The following ABCG2 variants were observed in gnomAD, a reference collection of about 807,000 sequenced individuals.
ABCG2 encodes broad substrate specificity ATP-binding cassette transporter ABCG2.
A neutral mutation model predicts 73.5 loss-of-function variants in ABCG2; 80 were observed. That is an observed-to-expected ratio of 1.09 (90% confidence interval 0.91 to 1.31). The LOEUF is 1.31. Among genes scored for constraint, ABCG2 ranks in the 50% most tolerant of loss-of-function variants. ABCG2 has a pLI of 0.00. For synonymous variants in ABCG2, 269 were observed against 282.4 expected, an observed-to-expected ratio of 0.95 and a Z score of 0.48; for missense variants, 796 against 786.2, an observed-to-expected ratio of 1.01 and a Z score of -0.15.
chr4:88,153,950 T>C (rs1726738993), intron 1 of ABCG2, among the ~76,000 whole-genome samples: 1 of 152,088 alleles, frequency 6.6e-6, no homozygotes. Context: ...GGAAAGGAAA[T>C]GTTCTAAGAG....
intron 1 of ABCG2, among the ~76,000 whole-genome samples, chr4:88,212,143 G>A (rs889573040): frequency 6.6e-6 from 1 of 152,088 alleles, no homozygotes; most frequent in African/African-American, 2.4e-5. Flanking sequence ...ATCATTTGCT[G>A]GACTCTGGCG....
intron 5 of ABCG2, 74 bp from the exon 6 acceptor site, chr4:88,121,866 A>T: frequency 7.0e-7 from 1 of 1,420,852 alleles, no homozygotes. Context: ...AACGTGTGCC[A>T]GTCCTGTAAG....
chr4:88,205,706 G>A (rs1007018415), intron 1 of ABCG2, among the ~76,000 whole-genome samples: 4 of 151,106 alleles, frequency 2.6e-5, no homozygotes, highest in East Asian at 3.9e-4. Context: ...TTTTTGAGAC[G>A]GAGTCTTGCT....
At chr4:88,133,981 G>T (rs955562729) in intron 2 of ABCG2, among the ~76,000 whole-genome samples, 1 of 150,522 alleles carries the variant, frequency 6.6e-6, no homozygotes, top group African/African-American at 2.4e-5. Flanking sequence ...CTGGGCAACA[G>T]AGCAAGACTC....
rs61116461 is a variant in ABCG2 at position 88,187,093 on chromosome 4, C to CA, written c.-20+43900dup. Among the ~76,000 whole-genome samples the CA allele has an allele frequency of 2.5e-3, 115 of 45,200 alleles. 11 individuals are homozygous for CA. The highest frequency in any genetic ancestry group is 9.1e-3 in the South Asian group (6 of 662). 29.7% of individuals were successfully genotyped at this position (45,200 alleles called of 152,430 possible). ...TGGGAGATAGAGCAAGATTCTGTCT[C>CA]AAAAAAAAAAAAAAAAAAAAAAAAA... On this transcript the variant is annotated intron_variant, in intron 1 of 15. Coordinates refer to the ABCG2 transcript ENST00000515655.
intron 1 of ABCG2, among the ~76,000 whole-genome samples, chr4:88,218,004 G>T (rs1445753501): frequency 6.6e-6 from 1 of 151,400 alleles, no homozygotes; most frequent in East Asian, 1.9e-4. Flanking sequence ...GAACACACGA[G>T]TGTGAGAACC....
intron 1 of ABCG2, among the ~76,000 whole-genome samples, chr4:88,220,878 A>G (rs1277123284): frequency 3.3e-5 from 5 of 152,140 alleles, no homozygotes; most frequent in African/African-American, 1.2e-4. Flanking sequence ...GTGAAGAAGG[A>G]CATGTTTGCT....
intron 9 of ABCG2, among the ~76,000 whole-genome samples, chr4:88,109,671 A>C (rs1351967231): frequency 2.0e-5 from 3 of 152,236 alleles, no homozygotes; most frequent in Non-Finnish European, 4.4e-5. Flanking sequence ...AGATTTTCCA[A>C]ATACAACCTT....
At chr4:88,229,566 C>T (rs569648339) in intron 1 of ABCG2, among the ~76,000 whole-genome samples, 9 of 152,340 alleles carry the variant, frequency 5.9e-5, no homozygotes, top group African/African-American at 1.2e-4. Flanking sequence ...TCTAGGAGAA[C>T]GCCCATGCAT....
chr4:88,177,627 T>C (rs1728060862), intron 1 of ABCG2, among the ~76,000 whole-genome samples: 1 of 151,924 alleles, frequency 6.6e-6, no homozygotes, highest in Admixed American at 6.6e-5. Context: ...TGAACGATCA[T>C]AGTATGGGTT....
intron 1 of ABCG2, among the ~76,000 whole-genome samples, chr4:88,179,092 C>T (rs1056612196): frequency 1.3e-5 from 2 of 152,184 alleles, no homozygotes; most frequent in African/African-American, 2.4e-5. Context: ...TTAGGCAACA[C>T]CCAGTGCTAT....
chr4:88,097,356 G>A, intron 13 of ABCG2, 97 bp downstream of exon 13: 1 of 1,402,520 alleles, frequency 7.1e-7, no homozygotes, highest in Non-Finnish European at 9.7e-7. Context: ...CCCATTTACA[G>A]AATCCTCAAA....
upstream of ABCG2, chr4:88,158,919 TCCCCAGCG>T (rs1727150445): frequency 8.7e-6 from 3 of 345,066 alleles, no homozygotes; most frequent in Admixed American, 1.2e-4. Context: ...CAGTGGCCCC[TCCCCAGCG>T]CCCCGGGTTT....
chr4:88,167,837 T>A (rs1300931791), intron 1 of ABCG2, among the ~76,000 whole-genome samples: 1 of 152,060 alleles, frequency 6.6e-6, no homozygotes, highest in Non-Finnish European at 1.5e-5. Context: ...TGAACTGGAA[T>A]TGTAGGGGTT....
intron 1 of ABCG2, among the ~76,000 whole-genome samples, chr4:88,144,772 G>T (rs1725868823): frequency 6.6e-6 from 1 of 151,826 alleles, no homozygotes; most frequent in African/African-American, 2.4e-5. Context: ...TTACTTTTTT[G>T]AGAAGTTTAA....
intron 1 of ABCG2, among the ~76,000 whole-genome samples, chr4:88,183,085 A>T (rs1728322428): frequency 8.2e-5 from 1 of 12,156 alleles, no homozygotes; most frequent in South Asian, 8.1e-3. Flanking sequence ...ACTCCGTCTC[A>T]TAAAAAAAAA....
In ABCG2 at chr4:88,113,558, G is replaced by T. The variant is rs1297179999; in HGVS notation, c.944-5C>A. On this transcript the variant is annotated splice_polypyrimidine_tract_variant and splice_region_variant and intron_variant, in intron 8 of 15. Coordinates refer to ENST00000237612, the MANE Select transcript of ABCG2 (RefSeq NM_004827.3). ...AAGGCTCTATGATCTCTGTGGCTTT[G>T]CAATCAGTGGATAAAAAGGAAACAC... 1.2e-6 allele frequency: 2 copies of T among 1,606,784 alleles called. No individual in the cohort carries two copies. Among genetic ancestry groups the T allele is most frequent in the Non-Finnish European group, 8.5e-7 (1 of 1,176,130 alleles).
At chr4:88,132,856 G>C (rs45588738) in intron 2 of ABCG2, among the ~76,000 whole-genome samples, 169 of 152,154 alleles carry the variant, frequency 1.1e-3, no homozygotes, top group African/African-American at 3.8e-3. Flanking sequence ...ATTGCCTGAG[G>C]CCAGGAGTTT....
intron 10 of ABCG2, among the ~76,000 whole-genome samples, chr4:88,104,884 A>C (rs982456962): frequency 3.9e-5 from 6 of 152,224 alleles, no homozygotes; most frequent in African/African-American, 1.2e-4. Context: ...GGATTTTTCT[A>C]CCAAGAGCTT....
Sources: allele counts gnomAD v4.1 joint callset (sites outside exome capture counted in the v4.1 genomes callset), GRCh38; gene constraint gnomAD v4.1.1; transcripts MANE v1.5; gene names NCBI Gene and HGNC (gene_info 2026-07-23, HGNC 2026-07-21).